The following RGPD4 variants were observed in gnomAD, a reference collection of about 807,000 sequenced individuals.
The protein encoded by RGPD4 is RANBP2 like and GRIP domain containing 4.
Under a neutral mutation model 141.1 loss-of-function variants are expected in RGPD4, and 84 were observed. That is an observed-to-expected ratio of 0.60 (90% CI 0.50 to 0.71). The LOEUF is 0.71. Among genes scored for constraint, RGPD4 ranks in the 30% least tolerant of loss-of-function variants. RGPD4 has a pLI of 0.00. For missense variants in RGPD4, 918 were observed against 1,622.4 expected (o/e 0.57, Z 7.46); for synonymous variants, 298 against 566.8 (o/e 0.53, Z 6.74).
intron 20 of RGPD4, 30 bp from the exon 21 acceptor site, chr2:107,879,938 A>T (rs1252823681): frequency 1.9e-6 from 3 of 1,609,924 alleles, no homozygotes; most frequent in African/African-American, 2.7e-5. Flanking sequence ...TATGATTTTG[A>T]AAATTAATTC....
chr2:107,863,771 G>C (rs1193122652), intron 17 of RGPD4, among the ~76,000 whole-genome samples: 1 of 152,072 alleles, frequency 6.6e-6, no homozygotes, highest in South Asian at 2.1e-4. Context: ...GGGATTACAG[G>C]TGTAAACCAC....
chr2:107,878,652 G>T (rs1367571754), intron 20 of RGPD4, among the ~76,000 whole-genome samples: 1 of 120,066 alleles, frequency 8.3e-6, no homozygotes, highest in Admixed American at 9.1e-5. Flanking sequence ...TAATTGGATG[G>T]TTGGATGGAT....
chr2:107,826,980 T>G lies in RGPD4; in HGVS notation c.-34T>G, dbSNP rs1434871794. On this transcript the variant is annotated 5_prime_UTR_variant, in exon 1 of 23. Transcript: ENST00000408999. ...CGACTGCTGCGGGGCTGAGCGCTGG[T>G]TTCACGCGTCTCGGGAGCCAGGTTG... The G allele has an allele frequency of 5.7e-6, 9 of 1,585,760 alleles. No homozygotes were observed. Among genetic ancestry groups the G allele is most frequent in the Non-Finnish European group, 7.7e-6 (9 of 1,167,746 alleles).
chr2:107,883,540 G>A (rs992746775), intron 22 of RGPD4, among the ~76,000 whole-genome samples: 1 of 148,764 alleles, frequency 6.7e-6, no homozygotes, highest in African/African-American at 2.5e-5. Context: ...TGAGGCAGGA[G>A]AGTCACTTGA....
At chr2:107,878,478 T>G in intron 20 of RGPD4, among the ~76,000 whole-genome samples, 1 of 151,652 alleles carries the variant, frequency 6.6e-6, no homozygotes, top group Non-Finnish European at 1.5e-5. Flanking sequence ...CTCCCGAAAC[T>G]AAACTTGGTC....
intron 1 of RGPD4, among the ~76,000 whole-genome samples, chr2:107,829,905 G>C (rs1045644765): frequency 2.0e-5 from 3 of 151,908 alleles, no homozygotes; most frequent in Admixed American, 1.3e-4. Flanking sequence ...TATATGCTGC[G>C]GCGGAGGTCG....
At chr2:107,829,662 T>G (rs1197782645) in intron 1 of RGPD4, among the ~76,000 whole-genome samples, 1 of 152,094 alleles carries the variant, frequency 6.6e-6, no homozygotes, top group Non-Finnish European at 1.5e-5. Context: ...GCGTGGCACT[T>G]GCGAGCGCAG....
rs761919430 is a variant in RGPD4, at chr2:107,871,908, C to A, written c.3904C>A (p.Pro1302Thr). The A allele has an allele frequency of 6.2e-7, 1 of 1,611,554 alleles. No individual in the cohort carries two copies. Among genetic ancestry groups the A allele is most frequent in the East Asian group, 2.2e-5 (1 of 44,876 alleles). The change falls in exon 20 of 23, where the codon CCA becomes ACA. Residue 1302 changes from proline to threonine, a missense_variant. Transcript: ENST00000408999. ...SNFSFKSALS[P>T]SKSPAKLNQS... The stretch of plus-strand genomic sequence containing the variant: ...CTTCAGTTTTAAATCTGCTTTGAGT[C>A]CATCTAAGTCTCCTGCCAAGTTGAA...
intron 20 of RGPD4, among the ~76,000 whole-genome samples, chr2:107,874,559 T>G (rs990019416): frequency 3.4e-5 from 5 of 148,260 alleles, no homozygotes; most frequent in Non-Finnish European, 5.9e-5. Context: ...AATCTTTTAT[T>G]TTAAAGATAC....
intron 7 of RGPD4, among the ~76,000 whole-genome samples, chr2:107,850,864 G>C (rs1023688767): frequency 6.4e-5 from 1 of 15,574 alleles, no homozygotes; most frequent in African/African-American, 2.7e-4. Context: ...AGCCAGGATG[G>C]TCTCGATCTC....
chr2:107,854,026 G>A (rs1201989273), intron 7 of RGPD4, among the ~76,000 whole-genome samples: 1 of 147,764 alleles, frequency 6.8e-6, no homozygotes, highest in African/African-American at 2.5e-5. Context: ...TGGGATTACA[G>A]GTGTGAGCCA....
At chr2:107,879,930 T>C (rs764761792) in intron 20 of RGPD4, 38 bp from the exon 21 acceptor site, 2 of 1,609,854 alleles carry the variant, frequency 1.2e-6, no homozygotes, top group Non-Finnish European at 1.7e-6. Flanking sequence ...CTGTAATGTA[T>C]GATTTTGAAA....
chr2:107,872,994 C>G, intron 20 of RGPD4, 66 bp downstream of exon 20: 1 of 1,031,514 alleles, frequency 9.7e-7, no homozygotes, highest in South Asian at 1.5e-5. Context: ...TTGATGCAGA[C>G]TCTTTGTGGG....
chr2:107,833,234 A>C (rs1424360233), intron 1 of RGPD4, among the ~76,000 whole-genome samples: 1 of 151,608 alleles, frequency 6.6e-6, no homozygotes. Flanking sequence ...CTCCGTTTGA[A>C]TTAAAAAAAA....
At position 107,870,784 on chromosome 2, in the gene RGPD4, T is replaced by C. The variant is rs533748875; in HGVS notation, c.2780T>C (p.Ile927Thr). 6.2e-7 allele frequency: 1 copy of C among 1,609,042 alleles called. No individual in the cohort carries two copies. The highest frequency in any genetic ancestry group is 1.3e-5 in the African/African-American group (1 of 74,368). The change falls in exon 20 of 23, where the codon ATT becomes ACT. Residue 927 changes from isoleucine (I) to threonine (T), a missense_variant. Coordinates refer to ENST00000408999, the MANE Select transcript of RGPD4 (RefSeq NM_182588.3). The stretch of plus-strand genomic sequence containing the variant: ...TCTGCTGATGGATTTAAATTTGGCA[T>C]TTCGGAACCAGGAAATCAAGAAAAG... The part of the protein sequence containing the change: ...PVSADGFKFG[I>T]SEPGNQEKES...
intron 6 of RGPD4, among the ~76,000 whole-genome samples, chr2:107,846,215 C>A (rs560268653): frequency 6.7e-6 from 1 of 149,640 alleles, no homozygotes; most frequent in Admixed American, 6.6e-5. Context: ...CATGAGCCAC[C>A]GCGCCCGGCT....
At chr2:107,888,613 T>C (rs1675572498) in intron 22 of RGPD4, among the ~76,000 whole-genome samples, 1 of 151,528 alleles carries the variant, frequency 6.6e-6, no homozygotes, top group Non-Finnish European at 1.5e-5. Flanking sequence ...TCAGAGCCAG[T>C]AGGCTAACCT....
chr2:107,829,904 C>T (rs918077007), intron 1 of RGPD4, among the ~76,000 whole-genome samples: 40 of 152,014 alleles, frequency 2.6e-4, no homozygotes, highest in African/African-American at 8.2e-4. Flanking sequence ...TTATATGCTG[C>T]GGCGGAGGTC....
chr2:107,878,044 C>A (rs1172727036), intron 20 of RGPD4, among the ~76,000 whole-genome samples: 1 of 151,020 alleles, frequency 6.6e-6, no homozygotes, highest in Non-Finnish European at 1.5e-5. Context: ...AACTTGCTGA[C>A]CTCGTGATCC....
Sources: allele counts gnomAD v4.1 joint callset (sites outside exome capture counted in the v4.1 genomes callset), GRCh38; gene constraint gnomAD v4.1.1; transcripts MANE v1.5; gene names NCBI Gene and HGNC (gene_info 2026-07-23, HGNC 2026-07-21).